GCNT1: variants seen among roughly 807,000 people sequenced by gnomAD.
The protein encoded by GCNT1 is beta-1,3-galactosyl-O-glycosyl-glycoprotein beta-1,6-N-acetylglucosaminyltransferase.
A neutral mutation model predicts 26.2 loss-of-function variants in GCNT1; 16 were observed. That is an observed-to-expected ratio of 0.61 (90% CI 0.41 to 0.93). GCNT1 has a LOEUF of 0.93. Among genes scored for constraint, GCNT1 ranks in the 40% least tolerant of loss-of-function variants. The pLI is 0.00. For synonymous variants in GCNT1, 183 were observed against 190.8 expected, an observed-to-expected ratio of 0.96 and a Z score of 0.34; for missense variants, 477 against 526.7, an observed-to-expected ratio of 0.91 and a Z score of 0.92.
chr9:76,413,819 G>C, the GCNT1 span, among the ~76,000 whole-genome samples: 1 of 151,550 alleles, frequency 6.6e-6, no homozygotes, highest in Non-Finnish European at 1.5e-5. Flanking sequence ...TCTCCTTCTG[G>C]AATTCCCATA....
At chr9:76,395,697 C>G in the GCNT1 span, among the ~76,000 whole-genome samples, 1 of 151,966 alleles carries the variant, frequency 6.6e-6, no homozygotes, top group Non-Finnish European at 1.5e-5. Context: ...CCCAAAGAAG[C>G]AATTATGGTC....
At chr9:76,422,967 A>C (rs1287240639) in intron 1 of GCNT1, among the ~76,000 whole-genome samples, 1 of 152,268 alleles carries the variant, frequency 6.6e-6, no homozygotes, top group East Asian at 1.9e-4. Context: ...AGACTAATGT[A>C]ATAAGTATTC....
chr9:76,440,662 T>G (rs1346796596), upstream of GCNT1, among the ~76,000 whole-genome samples: 1 of 152,180 alleles, frequency 6.6e-6, no homozygotes, highest in East Asian at 1.9e-4. Flanking sequence ...ACTTGGGGAC[T>G]GGGTCCAGAA....
At chr9:76,424,500 T>C (rs1302427586) in intron 1 of GCNT1, among the ~76,000 whole-genome samples, 1 of 152,226 alleles carries the variant, frequency 6.6e-6, no homozygotes. Flanking sequence ...CAGCAATTAA[T>C]GTGGACTGGT....
intron 1 of GCNT1, among the ~76,000 whole-genome samples, chr9:76,424,864 G>A (rs746694747): frequency 6.6e-6 from 1 of 152,188 alleles, no homozygotes; most frequent in Non-Finnish European, 1.5e-5. Context: ...TCGAGGCTGG[G>A]AGTGGTGGCT....
At chr9:76,502,178 TGTATA>T in intron 3 of GCNT1, 56 bp from the exon 4 acceptor site, 1 of 30,574 alleles carries the variant, frequency 3.3e-5, no homozygotes. Context: ...TCTCTCTCTC[TGTATA>T]TATATATATA....
intron 1 of GCNT1, among the ~76,000 whole-genome samples, chr9:76,459,635 G>A (rs955907463): frequency 6.6e-6 from 1 of 152,160 alleles, no homozygotes; most frequent in Non-Finnish European, 1.5e-5. Context: ...GGCAGGGAAC[G>A]AACAGACTCG....
intron 2 of GCNT1, among the ~76,000 whole-genome samples, chr9:76,472,402 G>A (rs1410746131): frequency 3.3e-5 from 5 of 152,180 alleles, no homozygotes; most frequent in Non-Finnish European, 7.3e-5. Flanking sequence ...TTGAGTGAAG[G>A]GAATGCAGTA....
At chr9:76,496,750 T>G (rs760017256) in intron 2 of GCNT1, among the ~76,000 whole-genome samples, 3 of 152,236 alleles carry the variant, frequency 2.0e-5, no homozygotes, top group Non-Finnish European at 4.4e-5. Context: ...TTCTTGGTCT[T>G]AAAAGTCAAG....
chr9:76,429,489 T>A (rs1823305215), intron 1 of GCNT1, among the ~76,000 whole-genome samples: 1 of 152,052 alleles, frequency 6.6e-6, no homozygotes, highest in Non-Finnish European at 1.5e-5. Flanking sequence ...AAAACCAACA[T>A]TTATTATTTC....
Position 76,507,002 on chromosome 9 carries a change from A to G in GCNT1, c.*3334A>G, listed in dbSNP as rs923982349. 4.8e-5 allele frequency: 8 copies of G among 167,070 alleles called. No homozygotes were observed. The highest frequency in any genetic ancestry group is 8.8e-5 in the Non-Finnish European group (6 of 68,098). The allele number at this position is 167,070 out of a possible 1,614,324, so 10.3% of individuals were successfully genotyped here. A position where few individuals can be genotyped will look rare whatever the true frequency, so the allele number is the denominator to read the frequency against. On this transcript the variant is annotated 3_prime_UTR_variant, in exon 4 of 4. Coordinates refer to ENST00000376730, the MANE Select transcript of GCNT1 (RefSeq NM_001490.5). ...TTTGAAAATATCACATTGAAAATGC[A>G]TTTAATATCTCTTACCTGAAATCAT...
At chr9:76,398,800 G>T in the GCNT1 span, 381 of 1,325,542 alleles carry the variant, frequency 2.9e-4, no homozygotes, top group Non-Finnish European at 3.8e-4. Flanking sequence ...ACTTCCAGAT[G>T]GAACAGTACA....
At chr9:76,411,819 A>G in the GCNT1 span, among the ~76,000 whole-genome samples, 2 of 147,776 alleles carry the variant, frequency 1.4e-5, no homozygotes, top group Admixed American at 7.0e-5. Context: ...CTCCTACCTC[A>G]GCTTCCTGAG....
At chr9:76,475,383 A>G (rs374519160) in intron 2 of GCNT1, among the ~76,000 whole-genome samples, 179 of 152,342 alleles carry the variant, frequency 1.2e-3, no homozygotes, top group African/African-American at 4.2e-3. Context: ...TAACATTCAT[A>G]TTCGCAGGAA....
At chr9:76,475,983 G>A (rs1247844716) in intron 2 of GCNT1, among the ~76,000 whole-genome samples, 2 of 152,204 alleles carry the variant, frequency 1.3e-5, no homozygotes, top group African/African-American at 4.8e-5. Flanking sequence ...GGCAATCATT[G>A]TGGTTTGGGA....
In GCNT1 at chr9:76,503,530, C is replaced by T. The variant is rs754864501; in HGVS notation, c.1149C>T (p.Phe383=). The T allele has an allele frequency of 1.5e-5, 24 of 1,614,184 alleles. No homozygotes were observed. The highest frequency in any genetic ancestry group is 1.5e-4 in the African/African-American group (11 of 75,054). The part of the protein sequence containing the change: ...DGVHVRSVCI[F]GAGDLNWMLR... ...TCCATGTGCGCTCAGTGTGCATTTT[C>T]GGAGCTGGTGACTTGAACTGGATGC... The change falls in exon 4 of 4, where the codon TTC becomes TTT. Residue 383 remains phenylalanine, a synonymous_variant. Transcript: ENST00000376730.
chr9:76,487,891 C>G (rs895029890), intron 2 of GCNT1, among the ~76,000 whole-genome samples: 4 of 152,182 alleles, frequency 2.6e-5, no homozygotes, highest in African/African-American at 9.6e-5. Context: ...CACACCACCA[C>G]ACGCAGATAA....
At chr9:76,455,404 G>C (rs1477096400), upstream of GCNT1, among the ~76,000 whole-genome samples, 1 of 152,142 alleles carries the variant, frequency 6.6e-6, no homozygotes, top group Admixed American at 6.6e-5. Flanking sequence ...GAAATTTGGA[G>C]CGCATGTCTA....
intron 1 of GCNT1, among the ~76,000 whole-genome samples, chr9:76,450,915 A>T (rs1823655492): frequency 6.6e-6 from 1 of 152,192 alleles, no homozygotes. Context: ...CTTTGTTGCC[A>T]TTCTGAGAAA....
Sources: allele counts gnomAD v4.1 joint callset (sites outside exome capture counted in the v4.1 genomes callset), GRCh38; gene constraint gnomAD v4.1.1; transcripts MANE v1.5; gene names NCBI Gene and HGNC (gene_info 2026-07-23, HGNC 2026-07-21).